The following DGKB variants were observed in gnomAD, a reference collection of about 807,000 sequenced individuals.
DGKB encodes the protein diacylglycerol kinase beta.
A neutral mutation model predicts 114.3 loss-of-function variants in DGKB; 67 were observed. The observed-to-expected ratio is 0.59, with a 90% CI of 0.48 to 0.72. DGKB has a LOEUF of 0.72. Ranked by LOEUF, DGKB falls within the 30% of genes least tolerant of loss-of-function variation. The pLI is 0.00. For synonymous variants in DGKB, 398 were observed against 323.1 expected (o/e 1.23, Z -2.49); for missense variants, 907 against 975.2 (o/e 0.93, Z 0.93).
intron 1 of DGKB, among the ~76,000 whole-genome samples, chr7:14,846,469 T>C (rs556010028): frequency 1.9e-4 from 29 of 152,294 alleles, no homozygotes; most frequent in Non-Finnish European, 2.6e-4. Flanking sequence ...TAATTTCAAA[T>C]ACAGAGGCAC....
At chr7:14,619,805 T>A (rs1038285535) in intron 15 of DGKB, among the ~76,000 whole-genome samples, 1 of 151,694 alleles carries the variant, frequency 6.6e-6, no homozygotes, top group Non-Finnish European at 1.5e-5. Flanking sequence ...TGATCTCATA[T>A]GTTTATTGAG....
chr7:14,231,782 G>T (rs1791897167), intron 23 of DGKB, among the ~76,000 whole-genome samples: 1 of 151,810 alleles, frequency 6.6e-6, no homozygotes, highest in Non-Finnish European at 1.5e-5. Context: ...GATTAAAGAT[G>T]GTCATCTTTA....
intron 21 of DGKB, among the ~76,000 whole-genome samples, chr7:14,397,257 G>A (rs1053893407): frequency 6.6e-6 from 1 of 152,116 alleles, no homozygotes; most frequent in Non-Finnish European, 1.5e-5. Context: ...ACAAGACCGG[G>A]CAGGGGATAA....
At chr7:14,628,746 A>G (rs1809114222) in intron 14 of DGKB, among the ~76,000 whole-genome samples, 1 of 152,128 alleles carries the variant, frequency 6.6e-6, no homozygotes. Context: ...GTATTCACAC[A>G]CTCAGCCATG....
intron 15 of DGKB, among the ~76,000 whole-genome samples, chr7:14,620,737 C>T (rs1246051815): frequency 6.6e-6 from 1 of 151,678 alleles, no homozygotes; most frequent in African/African-American, 2.4e-5. Context: ...ACATTCACCC[C>T]ATACAATGTC....
intron 23 of DGKB, among the ~76,000 whole-genome samples, chr7:14,309,276 A>T (rs1264903102): frequency 6.6e-6 from 1 of 152,182 alleles, no homozygotes; most frequent in Non-Finnish European, 1.5e-5. Flanking sequence ...TGTCTTTGTC[A>T]CCATGTATCA....
intron 23 of DGKB, among the ~76,000 whole-genome samples, chr7:14,323,583 A>G (rs1315560233): frequency 1.3e-5 from 2 of 152,216 alleles, no homozygotes; most frequent in Non-Finnish European, 2.9e-5. Context: ...GAAGCAAGTG[A>G]GAAGCCATGC....
intron 19 of DGKB, among the ~76,000 whole-genome samples, chr7:14,577,486 G>A (rs965118868): frequency 7.2e-5 from 11 of 152,032 alleles, no homozygotes; most frequent in African/African-American, 2.4e-4. Context: ...GCAAGGTGGC[G>A]GGCGCCCGTA....
At chr7:14,227,566 T>C (rs1319398577) in intron 23 of DGKB, among the ~76,000 whole-genome samples, 1 of 152,026 alleles carries the variant, frequency 6.6e-6, no homozygotes, top group Non-Finnish European at 1.5e-5. Context: ...TATATGGCTT[T>C]ATCTTGACAA....
chr7:14,746,499 T>A (rs1833304878), intron 4 of DGKB, among the ~76,000 whole-genome samples: 1 of 152,114 alleles, frequency 6.6e-6, no homozygotes, highest in Admixed American at 6.5e-5. Flanking sequence ...TTAATTTTCC[T>A]TTTTTTATTT....
chr7:14,643,709 C>T (rs1408748594), intron 13 of DGKB, among the ~76,000 whole-genome samples: 1 of 152,160 alleles, frequency 6.6e-6, no homozygotes, highest in East Asian at 1.9e-4. Flanking sequence ...GTCTTATCTG[C>T]CGTCACCAAC....
chr7:14,227,356 T>A (rs987740018), intron 23 of DGKB, among the ~76,000 whole-genome samples: 29 of 152,078 alleles, frequency 1.9e-4, no homozygotes, highest in African/African-American at 6.8e-4. Flanking sequence ...ATGACTATAG[T>A]GGCTAATGTT....
At chr7:14,734,177 G>A (rs1831357434) in intron 5 of DGKB, among the ~76,000 whole-genome samples, 2 of 148,912 alleles carry the variant, frequency 1.3e-5, no homozygotes, top group South Asian at 4.4e-4. Context: ...TGGGATTACA[G>A]GCGCCTGCCA....
intron 21 of DGKB, among the ~76,000 whole-genome samples, chr7:14,436,037 A>AT (rs1436348427): frequency 1.3e-5 from 2 of 152,002 alleles, no homozygotes; most frequent in Non-Finnish European, 2.9e-5. Context: ...CTAATGCCTA[A>AT]TTTTTCCCAT....
chr7:14,177,684 A>G (rs1283094444), intron 24 of DGKB, among the ~76,000 whole-genome samples: 2 of 152,124 alleles, frequency 1.3e-5, no homozygotes, highest in Admixed American at 6.6e-5. Context: ...ATTTAAGTCA[A>G]TGGTGTCTCA....
chr7:14,333,992 C>T (rs1810201213), intron 23 of DGKB, among the ~76,000 whole-genome samples: 1 of 152,104 alleles, frequency 6.6e-6, no homozygotes, highest in African/African-American at 2.4e-5. Flanking sequence ...TAAAAGTGTG[C>T]TTGATATATA....
intron 21 of DGKB, among the ~76,000 whole-genome samples, chr7:14,405,798 G>C (rs1823842113): frequency 1.3e-5 from 2 of 152,052 alleles, no homozygotes; most frequent in South Asian, 2.1e-4. Flanking sequence ...AAAGAAGAAG[G>C]AGCTCTCCAT....
chr7:14,961,777 A>G (rs1786857399), intron 1 of DGKB, among the ~76,000 whole-genome samples: 2 of 152,030 alleles, frequency 1.3e-5, no homozygotes, highest in Non-Finnish European at 2.9e-5. Flanking sequence ...TTCCTCCTAC[A>G]CAATCCTGCT....
At chr7:14,488,067 C>G (rs1207813339) in intron 20 of DGKB, among the ~76,000 whole-genome samples, 3 of 152,060 alleles carry the variant, frequency 2.0e-5, no homozygotes, top group African/African-American at 7.2e-5. Context: ...AACAGAAACC[C>G]ATGACTACAG....
Sources: allele counts gnomAD v4.1 joint callset (sites outside exome capture counted in the v4.1 genomes callset), GRCh38; gene constraint gnomAD v4.1.1; transcripts MANE v1.5; gene names NCBI Gene and HGNC (gene_info 2026-07-23, HGNC 2026-07-21).